The following ZNF224 variants were observed in gnomAD, a reference collection of about 807,000 sequenced individuals.
ZNF224 encodes bone marrow zinc finger 2.
A neutral mutation model predicts 10.5 loss-of-function variants in ZNF224; 8 were observed. The observed-to-expected ratio is 0.76, with a 90% CI of 0.45 to 1.37. ZNF224 has a LOEUF of 1.37. Ranked by LOEUF, ZNF224 falls within the 40% of genes most tolerant of loss-of-function variation. The probability of loss-of-function intolerance (pLI) is 0.00; values close to 1 mark genes in which losing one functional copy is unlikely to be tolerated. For synonymous variants in ZNF224, 282 were observed against 287.8 expected, an observed-to-expected ratio of 0.98 and a Z score of 0.20; for missense variants, 754 against 854.0, an observed-to-expected ratio of 0.88 and a Z score of 1.46.
intron 5 of ZNF224, among the ~76,000 whole-genome samples, chr19:44,103,717 G>T (rs1599663342): frequency 6.6e-6 from 1 of 151,410 alleles, no homozygotes; most frequent in African/African-American, 2.4e-5. Context: ...TTGAGACAGG[G>T]TCTCACTCTG....
chr19:44,108,224 C>T lies in ZNF224; in HGVS notation c.2064C>T (p.Cys688=). The T allele has an allele frequency of 1.2e-6, 2 of 1,613,956 alleles. No homozygotes were observed. The highest frequency in any genetic ancestry group is 1.1e-5 in the South Asian group (1 of 91,072). The change falls in exon 6 of 6, where the codon TGC becomes TGT. Residue 688 remains cysteine, a synonymous_variant. Coordinates refer to ENST00000693561, the MANE Select transcript of ZNF224 (RefSeq NM_001321645.3). Reference sequence around the variant, plus strand: ...GGAAGTGTAGGGAGTGTGATATGTGCTTTAGTCAGGCCTCAAGCCTTCGAC... The same window carrying T: ...GGAAGTGTAGGGAGTGTGATATGTGTTTTAGTCAGGCCTCAAGCCTTCGAC... ...KTWKCRECDM[C]FSQASSLRLH...
At chr19:44,100,156 G>A (rs561662871) in intron 3 of ZNF224, among the ~76,000 whole-genome samples, 1 of 152,236 alleles carries the variant, frequency 6.6e-6, no homozygotes, top group Non-Finnish European at 1.5e-5. Context: ...ATCATGTGAC[G>A]ATCATTATAT....
chr19:44,101,659 C>G (rs1389104812), intron 5 of ZNF224, among the ~76,000 whole-genome samples: 1 of 152,140 alleles, frequency 6.6e-6, no homozygotes. Flanking sequence ...TTTGCTGGTA[C>G]CCAGTGACCA....
chr19:44,101,016 AC>A lies in ZNF224; in HGVS notation c.142+90del. The A allele has an allele frequency of 4.3e-6, 7 of 1,609,622 alleles. No homozygotes were observed. The South Asian group carries it at 6.6e-5, about 15-fold the overall frequency. ...ACAAAGTTTCAAGTCTTAATTAGTA[AC>A]TTGAACCTATGGTTCAAGTTTGAGT... On this transcript the variant is annotated intron_variant, in intron 4 of 5. Transcript: ENST00000693561.
intron 3 of ZNF224, among the ~76,000 whole-genome samples, chr19:44,100,555 A>G (rs1568529556): frequency 6.6e-6 from 1 of 152,230 alleles, no homozygotes; most frequent in African/African-American, 2.4e-5. Flanking sequence ...GTTACTTACA[A>G]GAAGACTCAA....
At chr19:44,099,223 T>C (rs1011300668) in intron 3 of ZNF224, among the ~76,000 whole-genome samples, 1 of 152,110 alleles carries the variant, frequency 6.6e-6, no homozygotes, top group Non-Finnish European at 1.5e-5. Context: ...CATCTTCTCT[T>C]CCTGTCGTAG....
chr19:44,107,843 G>A lies in ZNF224; in HGVS notation c.1683G>A (p.Leu561=), dbSNP rs1967727945. ...CGTGTCTTTTGAAACATCAGAGACT[G>A]CACAGTGGAGAAAAACCATTCAAAT... ...WASCLLKHQR[L]HSGEKPFKCE... Residue 561 remains leucine, a synonymous_variant, in exon 6 of 6, where the codon CTG becomes CTA. Transcript: ENST00000693561. The A allele has an allele frequency of 1.9e-6, 3 of 1,600,756 alleles. No individual in the cohort carries two copies. The highest frequency in any genetic ancestry group is 1.7e-4 in the Middle Eastern group (1 of 5,994).
In ZNF224 at chr19:44,109,281, G is replaced by A. The variant is rs1261742683; in HGVS notation, c.*997G>A. ...ATCATGATTTGTGATTTCTATGCAG[G>A]CCTTGGTATGATTGCCTTTTAATTG... On this transcript the variant is annotated 3_prime_UTR_variant, in exon 6 of 6. Coordinates refer to ENST00000693561, the MANE Select transcript of ZNF224 (RefSeq NM_001321645.3). 1 of 151,702 alleles carries A rather than the reference G, an allele frequency of 6.6e-6. No homozygotes were observed. Among genetic ancestry groups the A allele is most frequent in the African/African-American group, 2.4e-5 (1 of 41,298 alleles). The allele number at this position is 151,702 out of a possible 1,614,324, so 9.4% of individuals were successfully genotyped here. A position where few individuals can be genotyped will look rare whatever the true frequency, so the allele number is the denominator to read the frequency against.
rs1967541564 is a variant in ZNF224 at position 44,101,133 on chromosome 19, G to A, written c.143G>A (p.Gly48Glu). Residue 48 changes from glycine to glutamate, a missense_variant and splice_region_variant, in exon 5 of 6, where the codon GGA becomes GAA. Gly to Glu is a moderately conservative substitution (Grantham distance 98). Coordinates refer to ENST00000693561, the MANE Select transcript of ZNF224 (RefSeq NM_001321645.3). ...AGCATGTAAGTTTGCCTGTTTGCAG[G>A]ACATCAAGCATTCCACAGGGATACT... The part of the protein sequence containing the change: ...LENFRNLLSV[G>E]HQAFHRDTFH... 1 of 1,613,972 alleles carries A rather than the reference G, an allele frequency of 6.2e-7. No homozygotes were observed. The highest frequency in any genetic ancestry group is 8.5e-7 in the Non-Finnish European group (1 of 1,180,012).
At position 44,098,836 on chromosome 19, in the gene ZNF224, T is replaced by C. The variant is rs145836732; in HGVS notation, c.15+948T>C. On this transcript the variant is annotated intron_variant, in intron 3 of 5. Coordinates refer to ENST00000693561, the MANE Select transcript of ZNF224 (RefSeq NM_001321645.3). ...TCAGGTGATCCACCTGCCTCGGCCT[T>C]CCAAAGTGCTGGAATTACAGGCGTG... Among the ~76,000 whole-genome samples, 1,250 of 152,274 alleles carry C rather than the reference T, an allele frequency of 8.2e-3. 24 individuals are homozygous for C. Among genetic ancestry groups the C allele is most frequent in the African/African-American group, 0.029 (1,198 of 41,564 alleles).
At chr19:44,100,957 G>A (rs367910766) in intron 4 of ZNF224, 30 bp downstream of exon 4, 13 of 1,611,418 alleles carry the variant, frequency 8.1e-6, no homozygotes, top group Middle Eastern at 1.7e-4. Flanking sequence ...GTAACAGAAC[G>A]TCAGGCCCCA....
chr19:44,106,693 G>A lies in ZNF224; in HGVS notation c.533G>A (p.Cys178Tyr), dbSNP rs1356200413. 1 of 1,603,362 alleles carries A rather than the reference G, an allele frequency of 6.2e-7. No individual in the cohort carries two copies. The highest frequency in any genetic ancestry group is 1.7e-5 in the Admixed American group (1 of 59,396). The change falls in exon 6 of 6, where the codon TGT becomes TAT. Residue 178 changes from cysteine to tyrosine, a missense_variant. Transcript: ENST00000693561. Reference protein sequence around the residue: ...QLHSGEKSHTCDECGKNFCYI... With the variant: ...QLHSGEKSHTYDECGKNFCYI... ...CACTCAGGAGAGAAATCTCATACGT[G>A]TGATGAGTGTGGAAAGAACTTTTGT...
Position 44,107,467 on chromosome 19 carries a change from G to A in ZNF224, c.1307G>A (p.Gly436Asp), listed in dbSNP as rs1168319153. ...KPYKCVECGK[G>D]YKRRLDLDFH... ...TACAAATGTGTGGAGTGTGGGAAGG[G>A]CTACAAAAGGAGGTTGGATCTTGAC... Residue 436 changes from glycine (G) to aspartate (D), a missense_variant, in exon 6 of 6, where the codon GGC becomes GAC. Gly to Asp is a moderately conservative substitution (Grantham distance 94, BLOSUM62 -1). Transcript: ENST00000693561. 6.2e-7 allele frequency: 1 copy of A among 1,605,560 alleles called. No homozygotes were observed. Among genetic ancestry groups the A allele is most frequent in the Admixed American group, 1.7e-5 (1 of 58,554 alleles).
At chr19:44,102,279 T>G (rs764562073) in intron 5 of ZNF224, among the ~76,000 whole-genome samples, 7 of 152,234 alleles carry the variant, frequency 4.6e-5, no homozygotes, top group Non-Finnish European at 8.8e-5. Context: ...CTCTTTATAA[T>G]TCCATTCTAT....
In ZNF224 at chr19:44,108,247, G is replaced by A. The variant is rs776722113; in HGVS notation, c.2087G>A (p.Arg696Gln). ...DMCFSQASSLRLHQNVHVGEK... is the reference protein window; with the variant it reads ...DMCFSQASSLQLHQNVHVGEK... ...TGCTTTAGTCAGGCCTCAAGCCTTC[G>A]ACTTCATCAGAATGTTCATGTTGGA... is the stretch of plus-strand genomic sequence containing the variant. The change falls in exon 6 of 6, where the codon CGA becomes CAA. Residue 696 changes from arginine (R) to glutamine (Q), a missense_variant. Arg to Gln is a conservative substitution (Grantham distance 43, BLOSUM62 1). Transcript: ENST00000693561. The A allele has an allele frequency of 7.4e-6, 12 of 1,612,716 alleles. No individual in the cohort carries two copies. Among genetic ancestry groups the A allele is most frequent in the African/African-American group, 4.0e-5 (3 of 74,824 alleles).
In ZNF224 at chr19:44,108,340, G is replaced by C; in HGVS notation, c.*56G>C. On this transcript the variant is annotated 3_prime_UTR_variant, in exon 6 of 6. Transcript: ENST00000693561. ...AGTCTTCATGAATGCAGTCTCATCT[G>C]AAAGTTCACAAAGGAGAGACACATT... 1 of 1,516,426 alleles carries C rather than the reference G, an allele frequency of 6.6e-7. No homozygotes were observed. The highest frequency in any genetic ancestry group is 8.9e-7 in the Non-Finnish European group (1 of 1,129,330). The allele number at this position is 1,516,426 out of a possible 1,614,324, so 93.9% of individuals were successfully genotyped here.
In ZNF224 at chr19:44,108,791, A is replaced by G. The variant is rs1967763379; in HGVS notation, c.*507A>G. On this transcript the variant is annotated 3_prime_UTR_variant, in exon 6 of 6. Transcript: ENST00000693561. ...ATCAATGAAAGGATAAAACATATGTATGGATTTGGATACAATTTTGTGTAT... is the reference window on the plus strand; with the variant it reads ...ATCAATGAAAGGATAAAACATATGTGTGGATTTGGATACAATTTTGTGTAT... The G allele has an allele frequency of 4.1e-6, 2 of 489,968 alleles. No individual in the cohort carries two copies. Among genetic ancestry groups the G allele is most frequent in the Admixed American group, 2.0e-5 (1 of 49,898 alleles). 30.4% of individuals were successfully genotyped at this position (489,968 alleles called of 1,614,324 possible). A position where few individuals can be genotyped will look rare whatever the true frequency, so the allele number is the denominator to read the frequency against.
At chr19:44,098,254 T>C (rs1263662036) in intron 3 of ZNF224, among the ~76,000 whole-genome samples, 1 of 152,258 alleles carries the variant, frequency 6.6e-6, no homozygotes. Context: ...TTTAATATTA[T>C]ATAATGTTCA....
At chr19:44,097,269 C>T (rs1967456303) in intron 2 of ZNF224, among the ~76,000 whole-genome samples, 1 of 152,130 alleles carries the variant, frequency 6.6e-6, no homozygotes, top group Non-Finnish European at 1.5e-5. Context: ...TTTTTTCCAA[C>T]CTATTGTATC....
Sources: gnomAD v4.1 joint callset for allele counts (sites outside exome capture counted in the v4.1 genomes callset) on GRCh38, gnomAD v4.1.1 for gene constraint, MANE v1.5 for transcripts, NCBI Gene and HGNC (gene_info 2026-07-23, HGNC 2026-07-21) for gene names.